Variants in CCNY observed in about 807,000 individuals in gnomAD.
CCNY encodes cyclin Y, also known as cyclin-Y.
In CCNY, 19 loss-of-function variants were observed where a neutral mutation model predicts 42.8. That is an observed-to-expected ratio of 0.44 (90% CI 0.31 to 0.65). CCNY has a LOEUF of 0.65. CCNY is among the 30% of genes least tolerant of loss of function. The pLI is 0.07. For missense variants in CCNY, 370 were observed against 437.3 expected (o/e 0.85, Z 1.37); for synonymous variants, 165 against 162.7 (o/e 1.01, Z -0.11).
At chr10:35,323,399 G>T (rs1474630267) in intron 3 of CCNY, among the ~76,000 whole-genome samples, 2 of 152,148 alleles carry the variant, frequency 1.3e-5, no homozygotes, top group Non-Finnish European at 2.9e-5. Flanking sequence ...ATCAACATTT[G>T]TGGTATATAA....
At chr10:35,549,809 G>A (rs1418430509) in intron 7 of CCNY, among the ~76,000 whole-genome samples, 69 of 43,982 alleles carry the variant, frequency 1.6e-3, no homozygotes, top group Admixed American at 1.7e-3. Flanking sequence ...GTGACCCTGC[G>A]CTGCTCATGG....
At chr10:35,404,628 A>G (rs11010191) in intron 1 of CCNY, among the ~76,000 whole-genome samples, 56,896 of 151,846 alleles carry the variant, frequency 0.37, 10,871 homozygotes, top group African/African-American at 0.43. Context: ...AGAGTTACCC[A>G]AAGCTTGGCA....
intron 2 of CCNY, among the ~76,000 whole-genome samples, chr10:35,494,652 A>G (rs531447945): frequency 6.6e-6 from 1 of 152,220 alleles, no homozygotes; most frequent in South Asian, 2.1e-4. Flanking sequence ...ATCACAATCT[A>G]TAGGAAAAAG....
intron 1 of CCNY, among the ~76,000 whole-genome samples, chr10:35,429,410 T>A (rs1405576885): frequency 6.6e-6 from 1 of 152,238 alleles, no homozygotes; most frequent in East Asian, 1.9e-4. Context: ...TAATTTCCAA[T>A]TTCATAAATA....
intron 2 of CCNY, among the ~76,000 whole-genome samples, chr10:35,485,337 T>C (rs942986463): frequency 6.6e-6 from 1 of 152,262 alleles, no homozygotes; most frequent in Admixed American, 6.5e-5. Context: ...TAAAAACTTT[T>C]TGGCCTTCTG....
At chr10:35,343,953 G>T (rs1836243830) in intron 1 of CCNY, among the ~76,000 whole-genome samples, 1 of 152,342 alleles carries the variant, frequency 6.6e-6, no homozygotes, top group African/African-American at 2.4e-5. Flanking sequence ...ATCCTTTCAT[G>T]ATTCAACATT....
At chr10:35,326,169 G>T (rs1485362037) in intron 3 of CCNY, among the ~76,000 whole-genome samples, 1 of 151,226 alleles carries the variant, frequency 6.6e-6, no homozygotes, top group Non-Finnish European at 1.5e-5. Flanking sequence ...TTTTTTTTGA[G>T]ACAGAGTCTC....
chr10:35,487,271 T>G (rs1245481913), intron 2 of CCNY, among the ~76,000 whole-genome samples: 1 of 152,206 alleles, frequency 6.6e-6, no homozygotes, highest in Non-Finnish European at 1.5e-5. Context: ...TTCTTTTGAA[T>G]CTGGTGATTT....
intron 3 of CCNY, among the ~76,000 whole-genome samples, chr10:35,323,710 T>C (rs956608220): frequency 6.6e-6 from 1 of 152,094 alleles, no homozygotes; most frequent in Non-Finnish European, 1.5e-5. Context: ...CATGCGTATA[T>C]TACTTTCTCA....
chr10:35,270,211 C>T lies in CCNY; in HGVS notation c.-9+19585C>T, dbSNP rs529786250. ...CATTCAGGGTGAAAAAAGGAGTAAACTCCCTCCAACAAGCCCTTTGGTAGG... is the reference window on the plus strand; with the variant it reads ...CATTCAGGGTGAAAAAAGGAGTAAATTCCCTCCAACAAGCCCTTTGGTAGG... On this transcript the variant is annotated intron_variant, in intron 3 of 11. Coordinates refer to the CCNY transcript ENST00000374706. Among the ~76,000 whole-genome samples, 8 of 152,208 alleles carry T rather than the reference C, an allele frequency of 5.3e-5. No homozygotes were observed. In the South Asian group the frequency reaches 1.7e-3, roughly 32 times the overall value.
intron 1 of CCNY, among the ~76,000 whole-genome samples, chr10:35,363,960 G>T (rs1836756692): frequency 6.6e-6 from 1 of 152,260 alleles, no homozygotes; most frequent in South Asian, 2.1e-4. Context: ...ATAATTTTGG[G>T]TTTGAACAGG....
intron 7 of CCNY, among the ~76,000 whole-genome samples, chr10:35,541,127 C>G (rs980661603): frequency 1.3e-5 from 2 of 151,694 alleles, no homozygotes; most frequent in Non-Finnish European, 2.9e-5. Context: ...TTTTTTAATA[C>G]AGGCATCTAC....
intron 1 of CCNY, among the ~76,000 whole-genome samples, chr10:35,398,042 A>G (rs1267828087): frequency 1.3e-5 from 2 of 152,174 alleles, no homozygotes; most frequent in Non-Finnish European, 2.9e-5. Flanking sequence ...ACCCTCATCC[A>G]TGTGGAGTGG....
At chr10:35,424,218 T>G (rs1394713397) in intron 1 of CCNY, among the ~76,000 whole-genome samples, 3 of 152,116 alleles carry the variant, frequency 2.0e-5, no homozygotes, top group African/African-American at 7.2e-5. Context: ...CTCAAATGTT[T>G]TTTTCTTTTC....
chr10:35,401,699 A>C (rs1388588172), intron 1 of CCNY, among the ~76,000 whole-genome samples: 1 of 152,144 alleles, frequency 6.6e-6, no homozygotes, highest in African/African-American at 2.4e-5. Flanking sequence ...CTGAGTCAGC[A>C]AAGTGTGGTG....
At chr10:35,543,701 ATT>A (rs60209326) in intron 7 of CCNY, among the ~76,000 whole-genome samples, 1 of 151,328 alleles carries the variant, frequency 6.6e-6, no homozygotes, top group African/African-American at 2.4e-5. Flanking sequence ...CCTTCTACTT[ATT>A]TTAAAAAAAA....
chr10:35,354,305 C>G (rs1426764646), intron 1 of CCNY, among the ~76,000 whole-genome samples: 4 of 151,612 alleles, frequency 2.6e-5, no homozygotes, highest in African/African-American at 9.7e-5. Context: ...CCTGCCTCAG[C>G]TTCTTGAGTA....
intron 1 of CCNY, among the ~76,000 whole-genome samples, chr10:35,456,565 G>T (rs1839039801): frequency 1.3e-5 from 2 of 152,122 alleles, no homozygotes; most frequent in Non-Finnish European, 1.5e-5. Flanking sequence ...TCCTTCCAAA[G>T]CTCGACAGAC....
At chr10:35,472,769 A>G (rs1210395824) in intron 1 of CCNY, among the ~76,000 whole-genome samples, 1 of 152,234 alleles carries the variant, frequency 6.6e-6, no homozygotes, top group Non-Finnish European at 1.5e-5. Context: ...AGTCAGCTAA[A>G]TACATGTTTT....
Sources: gnomAD v4.1 joint callset for allele counts (sites outside exome capture counted in the v4.1 genomes callset) on GRCh38, gnomAD v4.1.1 for gene constraint, MANE v1.5 for transcripts, NCBI Gene and HGNC (gene_info 2026-07-23, HGNC 2026-07-21) for gene names.